The following YY1AP1 variants were observed in gnomAD, a reference collection of about 807,000 sequenced individuals.
The protein encoded by YY1AP1 is YY1-associated protein 1.
YY1AP1 carries 43 observed loss-of-function variants against 39.9 expected under a neutral mutation model. That is an observed-to-expected ratio of 1.08 (90% confidence interval 0.84 to 1.39). The LOEUF is 1.39. Ranked by LOEUF, YY1AP1 falls within the 40% of genes most tolerant of loss-of-function variation. YY1AP1 has a pLI of 0.00. For synonymous variants in YY1AP1, 292 were observed against 331.3 expected (o/e 0.88, Z 1.29); for missense variants, 813 against 900.7 (o/e 0.90, Z 1.25).
At chr1:155,670,715 G>C in intron 7 of YY1AP1, 4 of 383,678 alleles carry the variant, frequency 1.0e-5, no homozygotes, top group South Asian at 9.4e-5. Flanking sequence ...TGGCTCTGTC[G>C]CCCAGACTGG....
chr1:155,672,346 T>C (rs1469866091), intron 7 of YY1AP1: 4 of 715,594 alleles, frequency 5.6e-6, no homozygotes, highest in Non-Finnish European at 9.6e-6. Flanking sequence ...TACTGTCCAC[T>C]GCCTCCATGC....
In YY1AP1 at chr1:155,660,768, G is replaced by C. The variant is rs1647962752; in HGVS notation, c.1142C>G (p.Pro381Arg). 6.2e-7 allele frequency: 1 copy of C among 1,614,196 alleles called. No individual in the cohort carries two copies. The highest frequency in any genetic ancestry group is 8.5e-7 in the Non-Finnish European group (1 of 1,180,040). ...NSELGSETRYPLLLPKGVVLK... is the reference protein window; with the variant it reads ...NSELGSETRYRLLLPKGVVLK... ...GACTACACCCTTAGGCAATAGCAGT[G>C]GGTACCGAGTTTCACTCCCCAACTC... Residue 381 changes from proline to arginine, a missense_variant, in exon 11 of 11, where the codon CCA (proline) becomes CGA (arginine). Pro to Arg is a moderately radical substitution (Grantham distance 103, BLOSUM62 -2). Transcript: ENST00000355499.
chr1:155,688,375 G>C (rs1489350405), intron 1 of YY1AP1, 174 bp from the exon 2 acceptor site: 1 of 1,544,652 alleles, frequency 6.5e-7, no homozygotes, highest in East Asian at 2.4e-5. Flanking sequence ...GAGGGAGGGA[G>C]CTAAGGGCGC....
chr1:155,659,790 T>C lies in YY1AP1; in HGVS notation c.2120A>G (p.Glu707Gly), dbSNP rs774215231. The C allele has an allele frequency of 7.4e-6, 12 of 1,614,202 alleles. No homozygotes were observed. Among genetic ancestry groups the C allele is most frequent in the Non-Finnish European group, 1.0e-5 (12 of 1,180,026 alleles). Residue 707 changes from glutamate (E) to glycine (G), a missense_variant, in exon 11 of 11, where the codon GAG (glutamate) becomes GGG (glycine). Transcript: ENST00000355499. ...GAGCGGCTCCAGAGCTTGCCTTCCC[T>C]CCTCTGTTTTCACAACGGTCCAGCG... Reference protein sequence around the residue: ...AYRWTVVKTEEGRQALEPLPQ... With the variant: ...AYRWTVVKTEGGRQALEPLPQ...
In YY1AP1 at chr1:155,659,499, C is replaced by G. The variant is rs1290092550; in HGVS notation, c.*158G>C. 2 of 702,144 alleles carry G rather than the reference C, an allele frequency of 2.8e-6. No homozygotes were observed. Among genetic ancestry groups the G allele is most frequent in the Non-Finnish European group, 4.9e-6 (2 of 406,282 alleles). 43.5% of individuals were successfully genotyped at this position (702,144 alleles called of 1,614,324 possible). A position where few individuals can be genotyped will look rare whatever the true frequency, so the allele number is the denominator to read the frequency against. The stretch of plus-strand genomic sequence containing the variant: ...TTTATTGAAGCAAAAGTATATTCCA[C>G]AGAGTGGGAGCAGGCTAAAGCAAGC... On this transcript the variant is annotated 3_prime_UTR_variant, in exon 11 of 11. Transcript: ENST00000355499.
rs149875937 is a variant in YY1AP1, at chr1:155,688,104, G to A, written c.-54C>T. 8.7e-6 allele frequency: 14 copies of A among 1,609,110 alleles called. No individual in the cohort carries two copies. Among genetic ancestry groups the A allele is most frequent in the South Asian group, 1.1e-5 (1 of 90,490 alleles). On this transcript the variant is annotated 5_prime_UTR_variant, in exon 2 of 11. Transcript: ENST00000355499. ...AGGCCGAGAGCGATGAGAGTACAGG[G>A]AAGTGAGGAAGAGGGGGTGGCCGCC...
chr1:155,674,788 C>T (rs557875325), intron 6 of YY1AP1: 70 of 374,282 alleles, frequency 1.9e-4, no homozygotes, highest in Non-Finnish European at 3.0e-4. Context: ...ATTGTTCCAC[C>T]GCACTCCATC....
At chr1:155,672,076 A>T (rs188017097) in intron 7 of YY1AP1, among the ~76,000 whole-genome samples, 1 of 152,358 alleles carries the variant, frequency 6.6e-6, no homozygotes, top group East Asian at 1.9e-4. Flanking sequence ...CAAATGTACA[A>T]TCTCTAATTT....
intron 2 of YY1AP1, among the ~76,000 whole-genome samples, chr1:155,684,343 C>CT (rs1651922434): frequency 6.6e-6 from 1 of 152,132 alleles, no homozygotes; most frequent in Non-Finnish European, 1.5e-5. Context: ...TATATGCACA[C>CT]TACACACACA....
intron 7 of YY1AP1, among the ~76,000 whole-genome samples, chr1:155,671,302 G>T (rs551025049): frequency 1.3e-5 from 2 of 151,764 alleles, no homozygotes; most frequent in Admixed American, 1.3e-4. Flanking sequence ...ATGGTGGCAC[G>T]CACCTGTAAT....
At chr1:155,668,209 G>A (rs1022622074) in intron 9 of YY1AP1, among the ~76,000 whole-genome samples, 1 of 152,076 alleles carries the variant, frequency 6.6e-6, no homozygotes, top group Non-Finnish European at 1.5e-5. Flanking sequence ...GCTGAGGCAG[G>A]AGAATCACTT....
Position 155,679,515 on chromosome 1 carries a change from G to A in YY1AP1, c.22-3C>T. ...GAGAATCCCATCTCATCTTGGAACT[G>A]TGGGCAAAGGAAAGGGAGGGTTTTC... is the stretch of plus-strand genomic sequence containing the variant. On this transcript the variant is annotated splice_polypyrimidine_tract_variant and splice_region_variant and intron_variant, in intron 3 of 10. Coordinates refer to ENST00000355499, the MANE Select transcript of YY1AP1 (RefSeq NM_139119.3). 1 of 1,614,100 alleles carries A rather than the reference G, an allele frequency of 6.2e-7. No individual in the cohort carries two copies. The highest frequency in any genetic ancestry group is 8.5e-7 in the Non-Finnish European group (1 of 1,180,016).
At chr1:155,684,823 C>T (rs936328041) in intron 2 of YY1AP1, among the ~76,000 whole-genome samples, 1 of 152,114 alleles carries the variant, frequency 6.6e-6, no homozygotes, top group African/African-American at 2.4e-5. Flanking sequence ...TGAGCTCTGA[C>T]AATCCATCCG....
intron 7 of YY1AP1, chr1:155,670,675 CTTTTTT>C (rs58881636): frequency 2.5e-5 from 8 of 326,284 alleles, no homozygotes; most frequent in Admixed American, 1.4e-4. Context: ...TAAAAGTTGA[CTTTTTT>C]TTTTTTTTTT....
intron 2 of YY1AP1, among the ~76,000 whole-genome samples, chr1:155,682,919 C>G (rs12129675): frequency 2.6e-5 from 4 of 151,610 alleles, no homozygotes; most frequent in African/African-American, 9.7e-5. Flanking sequence ...AACCCTGTCT[C>G]TACTAAAAAT....
intron 9 of YY1AP1, among the ~76,000 whole-genome samples, chr1:155,665,840 G>A (rs1277175262): frequency 6.7e-6 from 1 of 149,910 alleles, no homozygotes; most frequent in Non-Finnish European, 1.5e-5. Flanking sequence ...TGGAATTCAG[G>A]AAATAAGAGG....
chr1:155,659,672 G>T lies in YY1AP1; in HGVS notation c.2238C>A (p.Ile746=). 1.2e-6 allele frequency: 2 copies of T among 1,614,174 alleles called. No homozygotes were observed. The highest frequency in any genetic ancestry group is 1.7e-6 in the Non-Finnish European group (2 of 1,180,032). ...KMEPEDATEE[I]SGFL ...TTCTCCTAGCTCAAAGAAATCCACTGATTTCCTCTGTAGCATCTTCAGGTT... is the reference window on the plus strand; with the variant it reads ...TTCTCCTAGCTCAAAGAAATCCACTTATTTCCTCTGTAGCATCTTCAGGTT... The change falls in exon 11 of 11, where the codon ATC becomes ATA. Residue 746 remains isoleucine (I), a synonymous_variant. Coordinates refer to ENST00000355499, the MANE Select transcript of YY1AP1 (RefSeq NM_139119.3).
rs201277300 is a variant in YY1AP1, at chr1:155,670,468, T to C, written c.584-4A>G. 3.5e-5 allele frequency: 56 copies of C among 1,613,794 alleles called. No homozygotes were observed. The African/African-American group carries it at 6.8e-4, about 20-fold the overall frequency. ...GGCAAACAGGGAAATTCATTGGCTA[T>C]AAGAAAATAAATCTCTGATAAATCA... On this transcript the variant is annotated splice_polypyrimidine_tract_variant and splice_region_variant and intron_variant, in intron 7 of 10. Coordinates refer to ENST00000355499, the MANE Select transcript of YY1AP1 (RefSeq NM_139119.3).
chr1:155,671,870 A>G (rs565291294), intron 7 of YY1AP1, among the ~76,000 whole-genome samples: 1 of 152,360 alleles, frequency 6.6e-6, no homozygotes, highest in South Asian at 2.1e-4. Flanking sequence ...CAATGTAATG[A>G]TAAGACTTAG....
Sources: allele counts gnomAD v4.1 joint callset (sites outside exome capture counted in the v4.1 genomes callset), GRCh38; gene constraint gnomAD v4.1.1; transcripts MANE v1.5; gene names NCBI Gene and HGNC (gene_info 2026-07-23, HGNC 2026-07-21).